HSD17B4: variants seen among roughly 807,000 people sequenced by gnomAD.
HSD17B4 encodes the protein hydroxysteroid 17-beta dehydrogenase 4.
HSD17B4 carries 70 observed loss-of-function variants against 101.0 expected under a neutral mutation model. The ratio of observed to expected loss-of-function variants is 0.69; its 90% CI spans 0.57 to 0.85. HSD17B4 has a LOEUF of 0.85. Ranked by LOEUF, HSD17B4 falls within the 40% of genes least tolerant of loss-of-function variation. The pLI is 0.00. For missense variants in HSD17B4, 984 were observed against 892.4 expected, an observed-to-expected ratio of 1.10 and a Z score of -1.31; for synonymous variants, 347 against 297.1, an observed-to-expected ratio of 1.17 and a Z score of -1.73.
intron 23 of HSD17B4, among the ~76,000 whole-genome samples, chr5:119,540,446 A>G (rs1015674849): frequency 2.0e-5 from 3 of 152,312 alleles, no homozygotes; most frequent in Middle Eastern, 3.4e-3. Context: ...TTCTGCTCAA[A>G]AATGTCCAAA....
intron 15 of HSD17B4, among the ~76,000 whole-genome samples, chr5:119,507,222 T>A (rs963529666): frequency 1.3e-5 from 2 of 152,166 alleles, no homozygotes; most frequent in Non-Finnish European, 2.9e-5. Context: ...TATTAGATAG[T>A]CCTCACTTGA....
chr5:119,457,777 G>A (rs1476030149), intron 2 of HSD17B4, among the ~76,000 whole-genome samples: 1 of 151,864 alleles, frequency 6.6e-6, no homozygotes, highest in Admixed American at 6.6e-5. Flanking sequence ...TTTATCTTTT[G>A]TATCTACTAA....
intron 11 of HSD17B4, among the ~76,000 whole-genome samples, chr5:119,494,367 T>TTCTTTCTC (rs1561458900): frequency 6.6e-6 from 1 of 150,982 alleles, no homozygotes; most frequent in African/African-American, 2.4e-5. Context: ...CTTTCTTTCT[T>TTCTTTCTC]TCTTTCTTTC....
chr5:119,469,087 T>C (rs1756099339), intron 2 of HSD17B4, among the ~76,000 whole-genome samples: 2 of 151,880 alleles, frequency 1.3e-5, no homozygotes, highest in South Asian at 2.1e-4. Flanking sequence ...ATGATATATA[T>C]ATCTTTTTGT....
chr5:119,528,351 T>C lies in HSD17B4; in HGVS notation c.1767+1132T>C, dbSNP rs114383225. On this transcript the variant is annotated intron_variant, in intron 20 of 23. Coordinates refer to ENST00000510025, the MANE Select transcript of HSD17B4 (RefSeq NM_000414.4). ...TCTTCTTACATGGTTGCTTTACTCC[T>C]AATTCCTTTCTGCTGGTTGCAATAT... Among the ~76,000 whole-genome samples, 991 of 152,294 alleles carry C rather than the reference T, an allele frequency of 6.5e-3. 14 individuals are homozygous for C. The highest frequency in any genetic ancestry group is 0.023 in the African/African-American group (946 of 41,568).
At chr5:119,509,271 A>G (rs752237428) in intron 16 of HSD17B4, 27 bp downstream of exon 16, 1 of 1,261,586 alleles carries the variant, frequency 7.9e-7, no homozygotes, top group Non-Finnish European at 1.2e-6. Flanking sequence ...TAAGCAAAAT[A>G]TATGTGTAGT....
chr5:119,509,161 G>C lies in HSD17B4; in HGVS notation c.1354G>C (p.Glu452Gln), dbSNP rs760375484. 8.2e-6 allele frequency: 13 copies of C among 1,590,576 alleles called. No homozygotes were observed. In the South Asian group the frequency reaches 1.4e-4, roughly 18 times the overall value. Residue 452 changes from glutamate to glutamine, a missense_variant, in exon 16 of 24, where the codon GAA becomes CAA. Physicochemically the swap from Glu to Gln is conservative, Grantham distance 29. Transcript: ENST00000510025. ...TTCAGTCTATTCTTATTCTGAGAAG[G>C]AACTTATATGCCACAATCAGTTCTC... ...IMDVYSYSEKELICHNQFSLF... is the reference protein window; with the variant it reads ...IMDVYSYSEKQLICHNQFSLF...
intron 17 of HSD17B4, among the ~76,000 whole-genome samples, chr5:119,522,534 A>G (rs1490404129): frequency 6.6e-6 from 1 of 152,184 alleles, no homozygotes; most frequent in Non-Finnish European, 1.5e-5. Flanking sequence ...AGTGTTGTAC[A>G]GATGAAGAAT....
At chr5:119,458,671 G>A (rs891858817) in intron 2 of HSD17B4, among the ~76,000 whole-genome samples, 3 of 152,082 alleles carry the variant, frequency 2.0e-5, no homozygotes, top group Non-Finnish European at 4.4e-5. Flanking sequence ...CATCATTTAA[G>A]ATAGTCTCCA....
At chr5:119,463,674 T>C (rs1236934432) in intron 2 of HSD17B4, among the ~76,000 whole-genome samples, 1 of 132,152 alleles carries the variant, frequency 7.6e-6, no homozygotes, top group Non-Finnish European at 1.5e-5. Context: ...TTTTTTTTTT[T>C]TTTTTTTTTT....
At chr5:119,525,402 A>T (rs954780642) in intron 18 of HSD17B4, 117 bp downstream of exon 18, 2 of 717,928 alleles carry the variant, frequency 2.8e-6, no homozygotes, top group Non-Finnish European at 2.5e-6. Context: ...AAAAAATGTT[A>T]TTTTATTTAT....
chr5:119,492,312 C>T (rs996638826), intron 10 of HSD17B4, 188 bp downstream of exon 10: 8 of 623,932 alleles, frequency 1.3e-5, no homozygotes, highest in Non-Finnish European at 2.3e-5. Flanking sequence ...AGGTCTGTGG[C>T]CCTTTCAAGA....
chr5:119,470,468 G>T (rs1448134200), intron 2 of HSD17B4, among the ~76,000 whole-genome samples: 3 of 152,194 alleles, frequency 2.0e-5, no homozygotes, highest in African/African-American at 7.2e-5. Flanking sequence ...CTTTTCAGGA[G>T]CAATTCAGCT....
At chr5:119,509,410 C>A in intron 16 of HSD17B4, 166 bp downstream of exon 16, 1 of 698,772 alleles carries the variant, frequency 1.4e-6, no homozygotes, top group Admixed American at 2.0e-5. Context: ...CTTCTTCCTC[C>A]TCCTCTTCCT....
intron 9 of HSD17B4, 138 bp from the exon 10 acceptor site, chr5:119,491,962 C>T (rs1750147965): frequency 1.3e-6 from 1 of 769,222 alleles, no homozygotes; most frequent in Non-Finnish European, 2.4e-6. Flanking sequence ...TGGACTCTTA[C>T]AGAGCTGTAT....
intron 14 of HSD17B4, among the ~76,000 whole-genome samples, chr5:119,504,937 G>T (rs1751509759): frequency 6.6e-6 from 1 of 152,108 alleles, no homozygotes; most frequent in Non-Finnish European, 1.5e-5. Flanking sequence ...TATGATGAAA[G>T]GTGGGAGTCT....
At position 119,493,556 on chromosome 5, in the gene HSD17B4, A is replaced by G. The variant is rs570693557; in HGVS notation, c.740-262A>G. The G allele has an allele frequency of 2.8e-4, 115 of 409,322 alleles. 1 individual carries two copies. The highest frequency in any genetic ancestry group is 2.5e-3 in the South Asian group (111 of 45,294). The allele number at this position is 409,322 out of a possible 1,614,324, so 25.4% of individuals were successfully genotyped here. A position where few individuals can be genotyped will look rare whatever the true frequency, so the allele number is the denominator to read the frequency against. On this transcript the variant is annotated intron_variant, in intron 10 of 23. Transcript: ENST00000510025. ...ATAATTAAACTTTTTCACATACAGC[A>G]TAACATTCTACCTTTAGTACTGTCT...
Position 119,497,077 on chromosome 5 carries a change from C to T in HSD17B4, c.972+431C>T, listed in dbSNP as rs187432564. The stretch of plus-strand genomic sequence containing the variant: ...AGTTTCCAAGGTTTTGCCTAGTAGC[C>T]GAGTGGGGCTTGGAGAATGGAGGTA... On this transcript the variant is annotated intron_variant, in intron 12 of 23. Coordinates refer to ENST00000510025, the MANE Select transcript of HSD17B4 (RefSeq NM_000414.4). Among the ~76,000 whole-genome samples, 35 of 152,226 alleles carry T rather than the reference C, an allele frequency of 2.3e-4. 1 individual carries two copies. Among genetic ancestry groups the T allele is most frequent in the Non-Finnish European group, 2.6e-4 (18 of 68,014 alleles).
Position 119,488,489 on chromosome 5 carries a change from TA to T in HSD17B4, c.623-701del, listed in dbSNP as rs1749806483. On this transcript the variant is annotated intron_variant, in intron 8 of 23. Coordinates refer to ENST00000510025, the MANE Select transcript of HSD17B4 (RefSeq NM_000414.4). ...CAAAATAGCTAGAAGAGAAGATTTA[TA>T]ATGTTCTCAACACAAAGACAAGATA... 1.3e-5 allele frequency among the ~76,000 whole-genome samples: 2 copies of T among 152,180 alleles called. 1 individual carries two copies. The highest frequency in any genetic ancestry group is 2.9e-5 in the Non-Finnish European group (2 of 68,018).
Sources: allele counts gnomAD v4.1 joint callset (sites outside exome capture counted in the v4.1 genomes callset), GRCh38; gene constraint gnomAD v4.1.1; transcripts MANE v1.5; gene names NCBI Gene and HGNC (gene_info 2026-07-23, HGNC 2026-07-21).